The following ASCC1 variants were observed in gnomAD, a reference collection of about 807,000 sequenced individuals.
The protein encoded by ASCC1 is ASC-1 complex subunit P50.
In ASCC1, 35 loss-of-function variants were observed where a neutral mutation model predicts 46.6. The ratio of observed to expected loss-of-function variants is 0.75; its 90% confidence interval spans 0.57 to 0.99. The LOEUF is 0.99. Ranked by LOEUF, ASCC1 falls within the 50% of genes least tolerant of loss-of-function variation. The pLI is 0.00. For missense variants in ASCC1, 376 were observed against 428.7 expected (o/e 0.88, Z 1.09); for synonymous variants, 143 against 146.6 (o/e 0.98, Z 0.18).
intron 5 of ASCC1, among the ~76,000 whole-genome samples, chr10:72,162,980 A>G (rs1235793149): frequency 6.6e-6 from 1 of 151,870 alleles, no homozygotes; most frequent in Non-Finnish European, 1.5e-5. Context: ...ACTTTTCTCC[A>G]AGGCAGAAAT....
At chr10:72,184,849 A>T (rs949293588) in intron 5 of ASCC1, among the ~76,000 whole-genome samples, 1 of 152,066 alleles carries the variant, frequency 6.6e-6, no homozygotes, top group African/African-American at 2.4e-5. Context: ...TTAAATAAGC[A>T]ATATCACGCA....
At chr10:72,147,049 T>C (rs1475171810) in intron 7 of ASCC1, among the ~76,000 whole-genome samples, 1 of 150,676 alleles carries the variant, frequency 6.6e-6, no homozygotes, top group Non-Finnish European at 1.5e-5. Context: ...AGTTTTTTAA[T>C]GAAATTAAAT....
At chr10:72,141,783 T>A (rs957395068) in intron 7 of ASCC1, among the ~76,000 whole-genome samples, 1 of 152,236 alleles carries the variant, frequency 6.6e-6, no homozygotes. Flanking sequence ...CCTGGTACTT[T>A]GTAGATACTA....
chr10:72,196,788 C>G (rs755711051), intron 5 of ASCC1, 23 bp downstream of exon 5: 1 of 1,602,624 alleles, frequency 6.2e-7, no homozygotes, highest in Non-Finnish European at 8.5e-7. Flanking sequence ...TTTTTTTAAC[C>G]TTCTTGCTTT....
intron 9 of ASCC1, among the ~76,000 whole-genome samples, chr10:72,114,107 A>G (rs1418875259): frequency 1.3e-5 from 2 of 152,272 alleles, no homozygotes; most frequent in African/African-American, 4.8e-5. Context: ...ATCAGTGCAT[A>G]CCATAGAGAA....
chr10:72,188,563 A>T (rs904069971), intron 5 of ASCC1, among the ~76,000 whole-genome samples: 3 of 152,218 alleles, frequency 2.0e-5, no homozygotes, highest in Non-Finnish European at 4.4e-5. Context: ...AAGGAAGGAA[A>T]GAAAGAAGAA....
chr10:72,152,628 T>C (rs1327500000), intron 7 of ASCC1, among the ~76,000 whole-genome samples: 2 of 152,158 alleles, frequency 1.3e-5, no homozygotes, highest in Non-Finnish European at 2.9e-5. Context: ...CCCAGGACGC[T>C]GAGATCAGCC....
At chr10:72,117,102 AAATTTT>A (rs1843580593) in intron 9 of ASCC1, among the ~76,000 whole-genome samples, 2 of 151,874 alleles carry the variant, frequency 1.3e-5, no homozygotes, top group Admixed American at 6.6e-5. Context: ...CTGGCTTTTT[AAATTTT>A]AAGAATTAAA....
At chr10:72,197,219 C>A (rs750966638) in intron 4 of ASCC1, among the ~76,000 whole-genome samples, 11 of 152,006 alleles carry the variant, frequency 7.2e-5, no homozygotes, top group Non-Finnish European at 1.2e-4. Context: ...TTCCTGTAAT[C>A]CCAGCACTTT....
intron 9 of ASCC1, chr10:72,103,066 A>G (rs994731359): frequency 7.8e-6 from 3 of 383,184 alleles, no homozygotes; most frequent in Non-Finnish European, 1.0e-5. Flanking sequence ...ACATTTATTA[A>G]GTAAACACAT....
intron 9 of ASCC1, among the ~76,000 whole-genome samples, chr10:72,099,765 A>G (rs926087472): frequency 1.3e-5 from 2 of 152,188 alleles, no homozygotes; most frequent in African/African-American, 4.8e-5. Flanking sequence ...GGTTGCGGTG[A>G]GCCGAGATTG....
At chr10:72,155,099 T>G (rs1015222363) in intron 6 of ASCC1, among the ~76,000 whole-genome samples, 3 of 152,162 alleles carry the variant, frequency 2.0e-5, no homozygotes, top group Non-Finnish European at 4.4e-5. Context: ...AAAAATATGT[T>G]ATATATATTT....
chr10:72,208,785 T>TTGTGTG (rs879575195), intron 3 of ASCC1, among the ~76,000 whole-genome samples: 1 of 147,978 alleles, frequency 6.8e-6, no homozygotes, highest in Non-Finnish European at 1.5e-5. Flanking sequence ...GTGTGTGTGT[T>TTGTGTG]TGTGTGTGTG....
intron 9 of ASCC1, among the ~76,000 whole-genome samples, chr10:72,114,549 C>T (rs955392613): frequency 2.0e-5 from 3 of 149,756 alleles, no homozygotes; most frequent in African/African-American, 4.9e-5. Flanking sequence ...GGTGTGAACC[C>T]GGGAGGCGGA....
At chr10:72,116,505 CT>C (rs138669823) in intron 9 of ASCC1, among the ~76,000 whole-genome samples, 3,859 of 152,270 alleles carry the variant, frequency 0.025, 192 homozygotes, top group African/African-American at 0.089. Context: ...CCATTCTCTC[CT>C]TCTGAGGTTC....
intron 5 of ASCC1, among the ~76,000 whole-genome samples, chr10:72,192,451 T>C (rs1453176398): frequency 1.5e-5 from 2 of 129,268 alleles, no homozygotes; most frequent in East Asian, 2.2e-4. Context: ...CGAGACTCCG[T>C]CTCAAAAAAA....
At chr10:72,108,054 CTTTCTTTTTCTT>C (rs1231937477) in intron 9 of ASCC1, among the ~76,000 whole-genome samples, 19 of 148,568 alleles carry the variant, frequency 1.3e-4, no homozygotes, top group African/African-American at 4.2e-4. Flanking sequence ...ATGTTAAATA[CTTTCTTTTTCTT>C]TTTCTTTTTC....
chr10:72,109,861 C>T (rs1412468210), intron 9 of ASCC1, among the ~76,000 whole-genome samples: 1 of 152,234 alleles, frequency 6.6e-6, no homozygotes, highest in Non-Finnish European at 1.5e-5. Flanking sequence ...GAACCCACAC[C>T]TAATCTCCGC....
At chr10:72,161,402 T>C (rs1849676109) in intron 6 of ASCC1, 136 bp downstream of exon 6, 1 of 1,082,040 alleles carries the variant, frequency 9.2e-7, no homozygotes, top group Non-Finnish European at 1.4e-6. Flanking sequence ...TTAGCCTGTA[T>C]TGCCTGAGTG....
Sources: allele counts gnomAD v4.1 joint callset (sites outside exome capture counted in the v4.1 genomes callset), GRCh38; gene constraint gnomAD v4.1.1; transcripts MANE v1.5; gene names NCBI Gene and HGNC (gene_info 2026-07-23, HGNC 2026-07-21).